The following DROSHA variants were observed in gnomAD, a reference collection of about 807,000 sequenced individuals.
The protein encoded by DROSHA is ribonuclease 3.
In DROSHA, 56 loss-of-function variants were observed where a neutral mutation model predicts 181.9. That is an observed-to-expected ratio of 0.31 (90% CI 0.25 to 0.38). The LOEUF (loss-of-function observed/expected upper bound fraction) is 0.38, where lower values mean the gene tolerates loss of function less well. DROSHA is among the 10% of genes least tolerant of loss of function. The probability of loss-of-function intolerance (pLI) is 1.00; values close to 1 mark genes in which losing one functional copy is unlikely to be tolerated. For synonymous variants in DROSHA, 524 were observed against 591.2 expected, an observed-to-expected ratio of 0.89 and a Z score of 1.65; for missense variants, 1,218 against 1,743.5, an observed-to-expected ratio of 0.70 and a Z score of 5.37.
At position 31,411,695 on chromosome 5, in the gene DROSHA, T is replaced by C. The variant is rs1741330255; in HGVS notation, c.3526-808A>G. 6.6e-6 allele frequency among the ~76,000 whole-genome samples: 1 copy of C among 152,126 alleles called. No individual in the cohort carries two copies. The highest frequency in any genetic ancestry group is 2.4e-5 in the African/African-American group (1 of 41,424). On this transcript the variant is annotated intron_variant, in intron 30 of 35. Transcript: ENST00000344624. This position sits in a 1 kb window ranked among gnomAD's most constrained non-coding sequence, Gnocchi z 4.2. ...GCTGGAGTGCAGTGGTGCACCATCT[T>C]GGCTCACTGCAACCTCCACCTTCTG... is the stretch of plus-strand genomic sequence containing the variant.
At chr5:31,468,915 T>TA (rs1749423077) in intron 17 of DROSHA, among the ~76,000 whole-genome samples, 1 of 152,138 alleles carries the variant, frequency 6.6e-6, no homozygotes. Flanking sequence ...GCCCAACAAT[T>TA]AGAGTCTGGT....
intron 25 of DROSHA, among the ~76,000 whole-genome samples, chr5:31,433,592 TGG>T (rs2150003662): frequency 6.6e-6 from 1 of 152,316 alleles, no homozygotes; most frequent in Non-Finnish European, 1.5e-5. Context: ...TTGCCCAGGC[TGG>T]AGTGCAGTGG....
intron 24 of DROSHA, 133 bp from the exon 25 acceptor site, chr5:31,435,997 A>T: frequency 1.3e-6 from 1 of 761,488 alleles, no homozygotes; most frequent in Non-Finnish European, 2.1e-6. Flanking sequence ...AAAGGATCTG[A>T]TTAAAGTCTT....
chr5:31,501,307 T>TA (rs1753547069), intron 11 of DROSHA, among the ~76,000 whole-genome samples: 1 of 151,924 alleles, frequency 6.6e-6, no homozygotes, highest in Non-Finnish European at 1.5e-5. Flanking sequence ...ACAGTGGGTC[T>TA]ACTGAATCAC....
rs752333866 is a variant in DROSHA at position 31,511,147 on chromosome 5, C to T, written c.1320G>A (p.Arg440=). Residue 440 remains arginine, a synonymous_variant, in exon 9 of 36, where the codon AGG becomes AGA. Coordinates refer to ENST00000344624, the MANE Select transcript of DROSHA (RefSeq NM_001382508.1). The part of the protein sequence containing the change: ...VGDSTVVGTS[R]LRDLYDKFEE... The stretch of plus-strand genomic sequence containing the variant: ...CAAATTTGTCATATAAGTCACGAAG[C>T]CTACTCGTTCCAACCACTGTAGAAT... 4 of 1,613,826 alleles carry T rather than the reference C, an allele frequency of 2.5e-6. No homozygotes were observed. Among genetic ancestry groups the T allele is most frequent in the Non-Finnish European group, 3.4e-6 (4 of 1,179,820 alleles).
chr5:31,421,882 A>ATATATATATATATAT (rs1742712435), intron 29 of DROSHA: 1 of 96,742 alleles, frequency 1.0e-5, no homozygotes, highest in Non-Finnish European at 1.8e-5. Context: ...AAAAAAAAAA[A>ATATATATATATATAT]AAAAAAAAAA....
chr5:31,526,540 T>TG lies in DROSHA; in HGVS notation c.392dup (p.Val132SerfsTer34). The TG allele has an allele frequency of 6.4e-7, 1 of 1,550,658 alleles. No homozygotes were observed. The highest frequency in any genetic ancestry group is 8.7e-7 in the Non-Finnish European group (1 of 1,149,428). ...CTTGTCCAGGAGGTGCCCCAGGGAC[T>TG]GGGGGGTTATTAGGACAAGGCATTG... is the stretch of plus-strand genomic sequence containing the variant. On this transcript the variant is annotated frameshift_variant, in exon 5 of 36. Transcript: ENST00000344624. LOFTEE classifies it high-confidence loss of function.
At chr5:31,505,808 C>T (rs1219531109) in intron 10 of DROSHA, 1 of 151,992 alleles carries the variant, frequency 6.6e-6, no homozygotes, top group Non-Finnish European at 1.5e-5. Flanking sequence ...TATACGTATA[C>T]ATATATACAC....
intron 9 of DROSHA, among the ~76,000 whole-genome samples, chr5:31,509,463 G>C (rs1738403516): frequency 6.6e-6 from 1 of 152,184 alleles, no homozygotes; most frequent in African/African-American, 2.4e-5. Flanking sequence ...TTCAAAGAAG[G>C]AGCACATGTG....
intron 6 of DROSHA, among the ~76,000 whole-genome samples, chr5:31,519,610 A>G: frequency 6.6e-6 from 1 of 152,084 alleles, no homozygotes; most frequent in East Asian, 1.9e-4. Context: ...CCTTTTTTCA[A>G]ATTTGTATGG....
chr5:31,509,634 G>A (rs895982187), intron 9 of DROSHA, among the ~76,000 whole-genome samples: 4 of 152,242 alleles, frequency 2.6e-5, no homozygotes, highest in Admixed American at 2.6e-4. Context: ...GGGGCTGGGA[G>A]TGCTGGGAAT....
At chr5:31,456,221 T>C (rs1199533340) in intron 20 of DROSHA, among the ~76,000 whole-genome samples, 1 of 152,182 alleles carries the variant, frequency 6.6e-6, no homozygotes, top group Non-Finnish European at 1.5e-5. Flanking sequence ...CTTGCAAATA[T>C]ATTTTTATTG....
chr5:31,415,683 TG>T (rs1561123937), intron 30 of DROSHA, among the ~76,000 whole-genome samples: 7 of 152,148 alleles, frequency 4.6e-5, no homozygotes, highest in Non-Finnish European at 1.5e-5. Context: ...ATGCCACCAT[TG>T]GGTACAGTGC....
chr5:31,450,578 AC>A (rs1449442559), intron 21 of DROSHA, among the ~76,000 whole-genome samples: 4 of 152,190 alleles, frequency 2.6e-5, no homozygotes, highest in Non-Finnish European at 5.9e-5. Flanking sequence ...TAACTCAGAA[AC>A]AGAAAACCAA....
chr5:31,475,761 G>GA (rs1750288960), intron 16 of DROSHA, among the ~76,000 whole-genome samples: 3 of 152,104 alleles, frequency 2.0e-5, no homozygotes, highest in Admixed American at 2.0e-4. Flanking sequence ...GTAAGAATTA[G>GA]AAAAAAGATT....
chr5:31,405,088 CG>C (rs1162377651), intron 35 of DROSHA, among the ~76,000 whole-genome samples: 3 of 152,114 alleles, frequency 2.0e-5, no homozygotes, highest in Admixed American at 6.5e-5. Flanking sequence ...AAACACAGGC[CG>C]GGTGCAGTGG....
intron 16 of DROSHA, among the ~76,000 whole-genome samples, chr5:31,475,080 G>T (rs1359434868): frequency 6.6e-6 from 1 of 152,096 alleles, no homozygotes; most frequent in African/African-American, 2.4e-5. Context: ...CACTTTGAGG[G>T]GCCAAGGTGA....
chr5:31,427,127 C>T (rs1314260041), intron 27 of DROSHA, among the ~76,000 whole-genome samples: 3 of 152,052 alleles, frequency 2.0e-5, no homozygotes, highest in Non-Finnish European at 4.4e-5. Flanking sequence ...TGTGAGGTGC[C>T]CAGAGGCAAC....
At chr5:31,525,878 C>A (rs1319653739) in intron 5 of DROSHA, among the ~76,000 whole-genome samples, 2 of 152,112 alleles carry the variant, frequency 1.3e-5, no homozygotes, top group South Asian at 2.1e-4. Flanking sequence ...ATTTGGAATG[C>A]TTTTTAAAAG....
Sources: allele counts gnomAD v4.1 joint callset (sites outside exome capture counted in the v4.1 genomes callset), GRCh38; gene constraint gnomAD v4.1.1; non-coding constraint Gnocchi (gnomAD v3.1); transcripts MANE v1.5; gene names NCBI Gene and HGNC (gene_info 2026-07-23, HGNC 2026-07-21).